The following ADAMTS3 variants were observed in gnomAD, a reference collection of about 807,000 sequenced individuals.
ADAMTS3 encodes A disintegrin and metalloproteinase with thrombospondin motifs 3.
In ADAMTS3, 73 loss-of-function variants were observed where a neutral mutation model predicts 129.0. That is an observed-to-expected ratio of 0.57 (90% CI 0.47 to 0.69). ADAMTS3 has a LOEUF of 0.69. Ranked by LOEUF, ADAMTS3 falls within the 30% of genes least tolerant of loss-of-function variation. ADAMTS3 has a pLI of 0.00. For synonymous variants in ADAMTS3, 477 were observed against 510.8 expected (o/e 0.93, Z 0.89); for missense variants, 1,457 against 1,514.5 (o/e 0.96, Z 0.63).
intron 3 of ADAMTS3, among the ~76,000 whole-genome samples, chr4:72,540,442 G>A (rs1721291369): frequency 6.6e-6 from 1 of 152,192 alleles, no homozygotes; most frequent in Non-Finnish European, 1.5e-5. Flanking sequence ...GCCTGACAAT[G>A]CAATAGGAAA....
chr4:72,303,893 C>A, intron 17 of ADAMTS3, 24 bp downstream of exon 17: 1 of 1,611,178 alleles, frequency 6.2e-7, no homozygotes, highest in South Asian at 1.1e-5. Context: ...GCTAACTATA[C>A]CATGAGCCCA....
At chr4:72,489,557 G>T (rs764528425) in intron 3 of ADAMTS3, among the ~76,000 whole-genome samples, 24 of 151,932 alleles carry the variant, frequency 1.6e-4, no homozygotes, top group South Asian at 1.2e-3. Flanking sequence ...AATAATCCAG[G>T]ATCACCTGAA....
At chr4:72,391,617 C>G (rs551096692) in intron 4 of ADAMTS3, among the ~76,000 whole-genome samples, 38 of 152,170 alleles carry the variant, frequency 2.5e-4, no homozygotes, top group African/African-American at 8.2e-4. Flanking sequence ...TTTACTTGCG[C>G]CATTTGAAAT....
At chr4:72,397,442 G>A (rs1425723644) in intron 4 of ADAMTS3, among the ~76,000 whole-genome samples, 1 of 151,948 alleles carries the variant, frequency 6.6e-6, no homozygotes, top group African/African-American at 2.4e-5. Context: ...GCGGGTGCTT[G>A]TAATCCCAGC....
chr4:72,493,255 A>C (rs1445303326), intron 3 of ADAMTS3, among the ~76,000 whole-genome samples: 2 of 151,826 alleles, frequency 1.3e-5, no homozygotes, highest in Non-Finnish European at 2.9e-5. Flanking sequence ...TACTGTTACC[A>C]CTTTGTTAGT....
intron 4 of ADAMTS3, among the ~76,000 whole-genome samples, chr4:72,379,719 T>C (rs1372294197): frequency 6.6e-6 from 1 of 152,172 alleles, no homozygotes; most frequent in Non-Finnish European, 1.5e-5. Context: ...TGTAGTATCA[T>C]ACACTTCAGT....
intron 10 of ADAMTS3, 23 bp from the exon 11 acceptor site, chr4:72,315,994 G>T: frequency 1.4e-6 from 2 of 1,463,756 alleles, no homozygotes; most frequent in Non-Finnish European, 9.5e-7. Context: ...TAATCAAATT[G>T]TCAGTGAACT....
intron 4 of ADAMTS3, among the ~76,000 whole-genome samples, chr4:72,395,258 A>G (rs933574450): frequency 4.6e-5 from 7 of 152,206 alleles, no homozygotes; most frequent in African/African-American, 1.7e-4. Flanking sequence ...AAAGAATATC[A>G]AATAGTTTAA....
intron 16 of ADAMTS3, 86 bp from the exon 17 acceptor site, chr4:72,304,166 C>T (rs1228555743): frequency 7.8e-7 from 1 of 1,284,490 alleles, no homozygotes; most frequent in African/African-American, 1.5e-5. Context: ...ATCCTTTCTA[C>T]AAATCAATGA....
At position 72,305,845 on chromosome 4, in the gene ADAMTS3, C is replaced by CGTACATATACGTATGCACATGTAT. The variant is rs906878937; in HGVS notation, c.2260+118_2260+141dup. ...ACGCACATATACGTATGCACATGTA[C>CGTACATATACGTATGCACATGTAT]GTACATATACGTATGCACATGTATG... On this transcript the variant is annotated intron_variant, in intron 16 of 21. Transcript: ENST00000286657. The CGTACATATACGTATGCACATGTAT allele has an allele frequency of 2.7e-5, 19 of 711,876 alleles. 1 individual carries two copies. The Admixed American group carries it at 4.1e-4, about 15-fold the overall frequency. The allele number at this position is 711,876 out of a possible 1,614,324, so 44.1% of individuals were successfully genotyped here. A position where few individuals can be genotyped will look rare whatever the true frequency, so the allele number is the denominator to read the frequency against.
chr4:72,347,098 T>C (rs549220012), intron 4 of ADAMTS3, among the ~76,000 whole-genome samples: 5 of 152,194 alleles, frequency 3.3e-5, no homozygotes, highest in East Asian at 3.9e-4. Flanking sequence ...ACGGCTAGTA[T>C]GAGAATAGTT....
At chr4:72,284,105 C>G (rs148560896) in intron 21 of ADAMTS3, among the ~76,000 whole-genome samples, 5 of 152,138 alleles carry the variant, frequency 3.3e-5, no homozygotes, top group Non-Finnish European at 7.4e-5. Flanking sequence ...AGAGGGTACT[C>G]CCTACATTAC....
intron 17 of ADAMTS3, among the ~76,000 whole-genome samples, chr4:72,300,791 A>G (rs144837359): frequency 1.3e-5 from 2 of 152,238 alleles, no homozygotes; most frequent in African/African-American, 2.4e-5. Flanking sequence ...TAAGCATCCT[A>G]TGGAGAGGCT....
At position 72,376,329 on chromosome 4, in the gene ADAMTS3, T is replaced by C. The variant is rs528498213; in HGVS notation, c.662-36636A>G. Among the ~76,000 whole-genome samples the C allele has an allele frequency of 7.9e-5, 12 of 152,254 alleles. No homozygotes were observed. The South Asian group carries it at 2.5e-3, about 32-fold the overall frequency. The stretch of plus-strand genomic sequence containing the variant: ...TATGTGTCTTCATACGGCGGAAAGG[T>C]AGGGCAGCTCTTTGGGGTTTCTTTT... On this transcript the variant is annotated intron_variant, in intron 4 of 21. Transcript: ENST00000286657.
At chr4:72,329,634 G>C (rs537709378) in intron 5 of ADAMTS3, among the ~76,000 whole-genome samples, 46 of 151,884 alleles carry the variant, frequency 3.0e-4, no homozygotes, top group Non-Finnish European at 5.6e-4. Context: ...TTGTCATGAT[G>C]GAAGCCCTGA....
chr4:72,421,603 A>T (rs1488292358), intron 3 of ADAMTS3, among the ~76,000 whole-genome samples: 1 of 152,224 alleles, frequency 6.6e-6, no homozygotes, highest in Non-Finnish European at 1.5e-5. Context: ...GCAGTGAAGA[A>T]GACGCAGAGA....
chr4:72,501,520 G>C (rs777569250), intron 3 of ADAMTS3, among the ~76,000 whole-genome samples: 7 of 152,078 alleles, frequency 4.6e-5, no homozygotes, highest in Non-Finnish European at 1.0e-4. Flanking sequence ...CTTTTTGACA[G>C]AGTCTTTAGG....
chr4:72,485,206 A>C (rs1719554875), intron 3 of ADAMTS3, among the ~76,000 whole-genome samples: 1 of 152,208 alleles, frequency 6.6e-6, no homozygotes, highest in Non-Finnish European at 1.5e-5. Flanking sequence ...GAAATATTCC[A>C]GAATTTATCC....
intron 3 of ADAMTS3, among the ~76,000 whole-genome samples, chr4:72,534,830 C>A (rs1721146955): frequency 6.6e-6 from 1 of 152,076 alleles, no homozygotes; most frequent in Admixed American, 6.6e-5. Flanking sequence ...AAAAAGAGAT[C>A]CCTTTCTGAA....
Sources: gnomAD v4.1 joint callset for allele counts (sites outside exome capture counted in the v4.1 genomes callset) on GRCh38, gnomAD v4.1.1 for gene constraint, MANE v1.5 for transcripts, NCBI Gene and HGNC (gene_info 2026-07-23, HGNC 2026-07-21) for gene names.